The following KCP variants were observed in gnomAD, a reference collection of about 807,000 sequenced individuals.
KCP encodes the protein kielin/chordin-like protein.
In KCP, 194 loss-of-function variants were observed where a neutral mutation model predicts 212.7. The ratio of observed to expected loss-of-function variants is 0.91; its 90% confidence interval spans 0.81 to 1.03. The LOEUF (loss-of-function observed/expected upper bound fraction) is 1.03, where lower values mean the gene tolerates loss of function less well. KCP is among the 50% of genes least tolerant of loss of function. The pLI, the probability that KCP is intolerant of heterozygous loss-of-function variation, is 0.00. For missense variants in KCP, 2,080 were observed against 2,162.5 expected (o/e 0.96, Z 0.76); for synonymous variants, 833 against 865.3 (o/e 0.96, Z 0.65).
Position 128,887,406 on chromosome 7 carries a change from G to C in KCP, c.2513-106C>G, listed in dbSNP as rs936680613. 7.6e-5 allele frequency: 62 copies of C among 818,060 alleles called. No individual in the cohort carries two copies. The African/African-American group carries it at 9.3e-4, about 12-fold the overall frequency. 50.7% of individuals were successfully genotyped at this position (818,060 alleles called of 1,614,324 possible). On this transcript the variant is annotated intron_variant, in intron 22 of 39. Coordinates refer to ENST00000610776, the MANE Select transcript of KCP (RefSeq NM_001366122.1). ...CCACACATACACAGCCACAGCCACAGACACACACATAGCCACACACACACA... is the reference window on the plus strand; with the variant it reads ...CCACACATACACAGCCACAGCCACACACACACACATAGCCACACACACACA...
rs571921934 is a variant in KCP, at chr7:128,894,382, G to A, written c.832-89C>T. On this transcript the variant is annotated intron_variant, in intron 8 of 39. Coordinates refer to ENST00000610776, the MANE Select transcript of KCP (RefSeq NM_001366122.1). The stretch of plus-strand genomic sequence containing the variant: ...TAGAATCCCAGCTATCCACTTATTA[G>A]ATGTGTTTATGGGTTGAATTGTGTG... 172 of 1,069,946 alleles carry A rather than the reference G, an allele frequency of 1.6e-4. 2 individuals carry two copies. The East Asian group carries it at 4.5e-3, about 28-fold the overall frequency. 66.3% of individuals were successfully genotyped at this position (1,069,946 alleles called of 1,614,324 possible).
At chr7:128,877,451 T>TC in intron 39 of KCP, 33 bp downstream of exon 39, 1 of 1,548,058 alleles carries the variant, frequency 6.5e-7, no homozygotes, top group Admixed American at 2.0e-5. Flanking sequence ...GTGCTGAGCC[T>TC]CCCCCAACCT....
Position 128,879,819 on chromosome 7 carries a change from T to C in KCP, c.3943A>G (p.Thr1315Ala). 5.2e-6 allele frequency: 8 copies of C among 1,550,922 alleles called. No homozygotes were observed. The highest frequency in any genetic ancestry group is 7.0e-6 in the Non-Finnish European group (8 of 1,146,948). ...CHSGDFSVHV[T>A]NDDRGRSGVA... ...CCGCTCCGGCCCCGGTCATCATTGG[T>C]CACGTGCACACTGTGGGCAGGAAAG... Residue 1315 changes from threonine (T) to alanine (A), a missense_variant, in exon 36 of 40, where the codon ACC (threonine) becomes GCC (alanine). Coordinates refer to ENST00000610776, the MANE Select transcript of KCP (RefSeq NM_001366122.1).
rs200300106 is a variant in KCP, at chr7:128,891,779, G to A, written c.1662C>T (p.Ser554=). The A allele has an allele frequency of 1.4e-6, 2 of 1,450,246 alleles. No homozygotes were observed. Among genetic ancestry groups the A allele is most frequent in the Non-Finnish European group, 1.8e-6 (2 of 1,099,376 alleles). The allele number at this position is 1,450,246 out of a possible 1,614,324, so 89.8% of individuals were successfully genotyped here. ...GGCAGGGGTCTCGGGGGTGGGAGAA[G>A]CTCTCGCCGTCCACAAACACCTCTT... is the stretch of plus-strand genomic sequence containing the variant. The part of the protein sequence containing the change: ...LEEEVFVDGE[S]FSHPRDPCQE... Residue 554 remains serine (S), a synonymous_variant, in exon 17 of 40, where the codon AGC becomes AGT. Transcript: ENST00000610776.
At position 128,906,173 on chromosome 7, in the gene KCP, G is replaced by A. The variant is rs1795108440; in HGVS notation, c.571+106C>T. On this transcript the variant is annotated intron_variant, in intron 5 of 39. Transcript: ENST00000610776. Reference sequence around the variant, plus strand: ...TCCCCTGGCCACTGTCAGAGTGAGTGGGTAGGCACCCCTGGGCATGTCCCA... The same window carrying A: ...TCCCCTGGCCACTGTCAGAGTGAGTAGGTAGGCACCCCTGGGCATGTCCCA... 1.3e-5 allele frequency: 12 copies of A among 916,036 alleles called. No homozygotes were observed. The Admixed American group carries it at 2.0e-4, about 15-fold the overall frequency. The allele number at this position is 916,036 out of a possible 1,614,324, so 56.7% of individuals were successfully genotyped here.
chr7:128,890,143 C>T, intron 21 of KCP, 200 bp downstream of exon 21: 7 of 933,792 alleles, frequency 7.5e-6, no homozygotes, highest in Non-Finnish European at 9.7e-6. Flanking sequence ...TGGTCTTGAA[C>T]TCCTGGGCTC....
Position 128,883,870 on chromosome 7 carries a change from C to A in KCP, c.3244+132G>T, listed in dbSNP as rs1319539396. The A allele has an allele frequency of 4.8e-5, 56 of 1,168,508 alleles. No homozygotes were observed. The East Asian group carries it at 1.7e-3, about 35-fold the overall frequency. 72.4% of individuals were successfully genotyped at this position (1,168,508 alleles called of 1,614,324 possible). ...CCCTTAGGGATGGTGCAGCCCTCGC[C>A]GGCCAGGCATAGGGTTCCAGAACAG... On this transcript the variant is annotated intron_variant, in intron 29 of 39. Coordinates refer to ENST00000610776, the MANE Select transcript of KCP (RefSeq NM_001366122.1).
chr7:128,892,294 T>G (rs1018248533), intron 16 of KCP, among the ~76,000 whole-genome samples: 6 of 151,978 alleles, frequency 3.9e-5, no homozygotes, highest in Non-Finnish European at 7.4e-5. Context: ...AAATGGAGCA[T>G]GGGAGGAGAG....
chr7:128,878,499 G>A, intron 38 of KCP, 59 bp downstream of exon 38: 1 of 1,494,818 alleles, frequency 6.7e-7, no homozygotes, highest in African/African-American at 1.4e-5. Context: ...GGGTTGCTCT[G>A]AGACTCATGC....
chr7:128,893,611 C>T, intron 11 of KCP, 135 bp from the exon 12 acceptor site: 1 of 960,832 alleles, frequency 1.0e-6, no homozygotes, highest in Non-Finnish European at 1.6e-6. Flanking sequence ...GCCAGCAGCC[C>T]CCTGCCCCCC....
At chr7:128,905,563 CA>C (rs1795082155) in intron 5 of KCP, among the ~76,000 whole-genome samples, 1 of 152,216 alleles carries the variant, frequency 6.6e-6, no homozygotes, top group Non-Finnish European at 1.5e-5. Context: ...TCCCTGGCTC[CA>C]TGCCTAGACA....
intron 26 of KCP, 105 bp downstream of exon 26, chr7:128,886,359 G>T: frequency 1.1e-6 from 1 of 934,692 alleles, no homozygotes; most frequent in Non-Finnish European, 1.6e-6. Flanking sequence ...AGTTGTTGGG[G>T]CAGGGAGGTG....
intron 21 of KCP, among the ~76,000 whole-genome samples, chr7:128,889,793 AGGGGGACT>A (rs751400430): frequency 1.3e-5 from 2 of 152,166 alleles, no homozygotes; most frequent in Non-Finnish European, 2.9e-5. Context: ...GAGGGAAGAC[AGGGGGACT>A]GGGGGACTGG....
At chr7:128,890,809 G>T in intron 20 of KCP, 96 bp downstream of exon 20, 1 of 1,079,564 alleles carries the variant, frequency 9.3e-7, no homozygotes, top group South Asian at 2.0e-5. Context: ...GACGTGGGCG[G>T]AGCGGGCCTG....
chr7:128,906,158 A>G, intron 5 of KCP, 121 bp downstream of exon 5: 7 of 794,398 alleles, frequency 8.8e-6, no homozygotes, highest in Non-Finnish European at 1.5e-5. Flanking sequence ...TCCCCTGGCC[A>G]CTGTCAGAGT....
chr7:128,908,475 C>A lies in KCP; in HGVS notation c.170G>T (p.Arg57Leu). ...AGCCTCCAGTCGCCCCAGCCACTCT[C>A]GCAGGGGGTGCCACTGCTCCTGGGA... ...GNSQEQWHPL[R>L]EWLGRLEAAV... The change falls in exon 2 of 40, where the codon CGA (arginine) becomes CTA (leucine). Residue 57 changes from arginine to leucine, a missense_variant. By Grantham distance (102) the Arg-to-Leu change is moderately radical. Coordinates refer to ENST00000610776, the MANE Select transcript of KCP (RefSeq NM_001366122.1). The A allele has an allele frequency of 4.5e-6, 7 of 1,551,976 alleles. No homozygotes were observed. Among genetic ancestry groups the A allele is most frequent in the Non-Finnish European group, 6.1e-6 (7 of 1,147,058 alleles).
At chr7:128,897,866 T>C (rs1015946517) in intron 8 of KCP, among the ~76,000 whole-genome samples, 1 of 152,206 alleles carries the variant, frequency 6.6e-6, no homozygotes, top group Non-Finnish European at 1.5e-5. Flanking sequence ...GGTAAACTCT[T>C]GTCCTAAAGT....
At chr7:128,901,344 T>C (rs1467975086) in intron 8 of KCP, among the ~76,000 whole-genome samples, 1 of 152,218 alleles carries the variant, frequency 6.6e-6, no homozygotes, top group Non-Finnish European at 1.5e-5. Context: ...AAACTGCTTT[T>C]GGCCGGGCGT....
chr7:128,886,828 G>GA (rs2128945824), intron 24 of KCP, 48 bp downstream of exon 24: 1 of 1,388,242 alleles, frequency 7.2e-7, no homozygotes, highest in African/African-American at 1.4e-5. Flanking sequence ...AAGGGGGAGG[G>GA]AGAGGCGGGG....
Sources: gnomAD v4.1 joint callset for allele counts (sites outside exome capture counted in the v4.1 genomes callset) on GRCh38, gnomAD v4.1.1 for gene constraint, MANE v1.5 for transcripts, NCBI Gene and HGNC (gene_info 2026-07-23, HGNC 2026-07-21) for gene names.